RANGAP1: variants seen among roughly 807,000 people sequenced by gnomAD.
RANGAP1 encodes ran GTPase-activating protein 1.
A neutral mutation model predicts 63.5 loss-of-function variants in RANGAP1; 38 were observed. The ratio of observed to expected loss-of-function variants is 0.60; its 90% CI spans 0.46 to 0.78. RANGAP1 has a LOEUF of 0.78. Among genes scored for constraint, RANGAP1 ranks in the 30% least tolerant of loss-of-function variants. RANGAP1 has a pLI of 0.00. For synonymous variants in RANGAP1, 329 were observed against 310.5 expected, an observed-to-expected ratio of 1.06 and a Z score of -0.63; for missense variants, 630 against 740.3, an observed-to-expected ratio of 0.85 and a Z score of 1.73.
intron 6 of RANGAP1, among the ~76,000 whole-genome samples, chr22:41,259,794 G>A (rs892605802): frequency 6.6e-6 from 1 of 152,194 alleles, no homozygotes; most frequent in Non-Finnish European, 1.5e-5. Flanking sequence ...CCTGAGGTCA[G>A]GAGTTTGAGA....
chr22:41,252,847 G>A (rs765669419), intron 12 of RANGAP1, 25 bp downstream of exon 12: 15 of 1,556,232 alleles, frequency 9.6e-6, no homozygotes, highest in East Asian at 7.7e-5. Context: ...CACGTACAGC[G>A]TGGGGGTCGA....
chr22:41,259,672 A>C (rs960454685), intron 6 of RANGAP1, among the ~76,000 whole-genome samples: 1 of 152,232 alleles, frequency 6.6e-6, no homozygotes, highest in African/African-American at 2.4e-5. Context: ...TGTGATTTCC[A>C]CTGGGGATAA....
At chr22:41,290,233 T>C (rs886853996), upstream of RANGAP1, among the ~76,000 whole-genome samples, 1 of 147,354 alleles carries the variant, frequency 6.8e-6, no homozygotes, top group African/African-American at 2.5e-5. Context: ...TTATTACTTT[T>C]TTTTTTTTTT....
At chr22:41,258,466 A>G (rs2033972982) in intron 6 of RANGAP1, among the ~76,000 whole-genome samples, 1 of 152,064 alleles carries the variant, frequency 6.6e-6, no homozygotes, top group Admixed American at 6.6e-5. Context: ...CCTTCTCTGG[A>G]TGACATAGCT....
At chr22:41,271,716 G>A (rs1203892933) in intron 3 of RANGAP1, among the ~76,000 whole-genome samples, 2 of 151,916 alleles carry the variant, frequency 1.3e-5, no homozygotes, top group African/African-American at 4.8e-5. Flanking sequence ...AAAGAGCTTG[G>A]GCTGACACCT....
At chr22:41,281,162 T>C (rs1182500939) in intron 1 of RANGAP1, 80 bp from the exon 2 acceptor site, 2 of 1,375,010 alleles carry the variant, frequency 1.5e-6, no homozygotes, top group African/African-American at 2.9e-5. Flanking sequence ...ATCAGCCATC[T>C]CAGGAGTCTG....
upstream of RANGAP1, among the ~76,000 whole-genome samples, chr22:41,286,594 G>A (rs1377502124): frequency 2.0e-5 from 3 of 152,218 alleles, no homozygotes; most frequent in African/African-American, 7.2e-5. Flanking sequence ...GCAAGACACA[G>A]GTATCCATTT....
chr22:41,256,685 A>T, intron 8 of RANGAP1, 26 bp downstream of exon 8: 5 of 1,592,252 alleles, frequency 3.1e-6, no homozygotes, highest in Non-Finnish European at 4.3e-6. Context: ...CCCCAGAGGG[A>T]GGACGTCAGG....
chr22:41,255,910 C>T (rs1267705491), intron 10 of RANGAP1, 111 bp downstream of exon 10: 7 of 1,103,804 alleles, frequency 6.3e-6, no homozygotes, highest in Admixed American at 6.1e-5. Flanking sequence ...GCCGAGATCA[C>T]GCCACTGTAC....
chr22:41,280,269 GT>G (rs2145844366), intron 2 of RANGAP1, among the ~76,000 whole-genome samples: 1 of 152,326 alleles, frequency 6.6e-6, no homozygotes, highest in African/African-American at 2.4e-5. Flanking sequence ...GTCCAGACCA[GT>G]TCCCCTGGTT....
intron 3 of RANGAP1, among the ~76,000 whole-genome samples, chr22:41,271,017 C>CT (rs1207792990): frequency 1.3e-5 from 2 of 152,186 alleles, no homozygotes; most frequent in African/African-American, 2.4e-5. Context: ...ATCACTCCCC[C>CT]TCTCCAGCCT....
At chr22:41,298,378 G>T in the RANGAP1 span, among the ~76,000 whole-genome samples, 1 of 152,006 alleles carries the variant, frequency 6.6e-6, no homozygotes, top group Admixed American at 6.6e-5. Context: ...GCAATGGCGC[G>T]ATCTCGGCTC....
chr22:41,248,715 G>A (rs1453803639), intron 15 of RANGAP1, among the ~76,000 whole-genome samples: 2 of 151,966 alleles, frequency 1.3e-5, no homozygotes, highest in Non-Finnish European at 2.9e-5. Context: ...CAAGCCTCCC[G>A]ACCCCTCCCT....
intron 3 of RANGAP1, among the ~76,000 whole-genome samples, chr22:41,268,828 G>C (rs774813435): frequency 6.6e-6 from 1 of 152,094 alleles, no homozygotes; most frequent in African/African-American, 2.4e-5. Flanking sequence ...GCCGAGGCGG[G>C]CAGATCACTT....
upstream of RANGAP1, among the ~76,000 whole-genome samples, chr22:41,287,981 G>A (rs1052803135): frequency 3.3e-5 from 5 of 152,154 alleles, no homozygotes; most frequent in East Asian, 3.9e-4. Context: ...GCGAAACTCC[G>A]TCTCTAAATA....
In RANGAP1 at chr22:41,257,910, C is replaced by G; in HGVS notation, c.774+38G>C. On this transcript the variant is annotated intron_variant, in intron 7 of 15. Transcript: ENST00000356244. The surrounding 1 kb of genome is among the most constrained non-coding windows in gnomAD (Gnocchi z 4.0). ...TGGAAAGACAGCAGCCAGCCTCTAT[C>G]TGGCGGGGCCCAACTGGCTCTGCCA... 1 of 1,560,436 alleles carries G rather than the reference C, an allele frequency of 6.4e-7. No individual in the cohort carries two copies. The highest frequency in any genetic ancestry group is 8.7e-7 in the Non-Finnish European group (1 of 1,147,924).
At chr22:41,249,265 C>A (rs1238644204) in intron 15 of RANGAP1, 65 bp downstream of exon 15, 3 of 1,515,354 alleles carry the variant, frequency 2.0e-6, no homozygotes, top group Non-Finnish European at 2.6e-6. Context: ...GAACCGGGCG[C>A]CTTCAGACCT....
At position 41,252,162 on chromosome 22, in the gene RANGAP1, C is replaced by T. The variant is rs1210549470; in HGVS notation, c.1380+710G>A. Among the ~76,000 whole-genome samples the T allele has an allele frequency of 2.0e-5, 3 of 151,972 alleles. No individual in the cohort carries two copies. In the South Asian group the frequency reaches 6.2e-4, roughly 32 times the overall value. ...CCTGGCCAACGTGGTGAAACCTCGTCTCTACTAAAAAATACAAAAATTAGC... is the reference window on the plus strand; with the variant it reads ...CCTGGCCAACGTGGTGAAACCTCGTTTCTACTAAAAAATACAAAAATTAGC... On this transcript the variant is annotated intron_variant, in intron 12 of 15. Coordinates refer to ENST00000356244, the MANE Select transcript of RANGAP1 (RefSeq NM_002883.4).
At position 41,258,113 on chromosome 22, in the gene RANGAP1, A is replaced by C; in HGVS notation, c.616-7T>G. 1.3e-6 allele frequency: 2 copies of C among 1,590,500 alleles called. No homozygotes were observed. On this transcript the variant is annotated splice_region_variant and splice_polypyrimidine_tract_variant and intron_variant, in intron 6 of 15. Coordinates refer to ENST00000356244, the MANE Select transcript of RANGAP1 (RefSeq NM_002883.4). Reference sequence around the variant, plus strand: ...CCTCCAGGGTCCCGATGACCTGTGAAGAGGAGGCAGAGAGTGGAGGGGGCC... The same window carrying C: ...CCTCCAGGGTCCCGATGACCTGTGACGAGGAGGCAGAGAGTGGAGGGGGCC...
Sources: gnomAD v4.1 joint callset for allele counts (sites outside exome capture counted in the v4.1 genomes callset) on GRCh38, gnomAD v4.1.1 for gene constraint, Gnocchi (gnomAD v3.1) non-coding constraint, MANE v1.5 for transcripts, NCBI Gene and HGNC (gene_info 2026-07-23, HGNC 2026-07-21) for gene names.